The following PPIP5K2 variants were observed in gnomAD, a reference collection of about 807,000 sequenced individuals.
PPIP5K2 encodes inositol hexakisphosphate and diphosphoinositol-pentakisphosphate kinase 2.
PPIP5K2 carries 105 observed loss-of-function variants against 154.6 expected under a neutral mutation model. The observed-to-expected ratio is 0.68, with a 90% CI of 0.58 to 0.80. The LOEUF is 0.80. PPIP5K2 is among the 30% of genes least tolerant of loss of function. The probability of loss-of-function intolerance (pLI) is 0.00; values close to 1 mark genes in which losing one functional copy is unlikely to be tolerated. For synonymous variants in PPIP5K2, 480 were observed against 490.3 expected (o/e 0.98, Z 0.28); for missense variants, 992 against 1,504.6 (o/e 0.66, Z 5.64).
chr5:103,140,808 G>A (rs1554206311), intron 5 of PPIP5K2, among the ~76,000 whole-genome samples: 1 of 142,910 alleles, frequency 7.0e-6, no homozygotes, highest in Non-Finnish European at 1.5e-5. Context: ...CAGCACTCCC[G>A]CCTGGGCGAC....
At position 103,203,632 on chromosome 5, in the gene PPIP5K2, A is replaced by G. The variant is rs1803306626; in HGVS notation, c.*1998A>G. ...ATTTTTTGGTTTTAAATACTAGAAG[A>G]TATTTCTTCTTAGAGCCCAGTCCTC... On this transcript the variant is annotated 3_prime_UTR_variant, in exon 31 of 31. Coordinates refer to ENST00000358359, the MANE Select transcript of PPIP5K2 (RefSeq NM_001276277.3). The G allele has an allele frequency of 6.6e-6, 1 of 152,160 alleles. No homozygotes were observed. Among genetic ancestry groups the G allele is most frequent in the African/African-American group, 2.4e-5 (1 of 41,418 alleles). The allele number at this position is 152,160 out of a possible 1,614,324, so 9.4% of individuals were successfully genotyped here.
chr5:103,167,935 G>A (rs188283358), intron 18 of PPIP5K2, 137 bp from the exon 19 acceptor site: 25 of 537,608 alleles, frequency 4.7e-5, no homozygotes, highest in Admixed American at 4.3e-4. Flanking sequence ...TGCTAGTAGC[G>A]TATGCCTAAA....
In PPIP5K2 at chr5:103,205,158, T is replaced by G. The variant is rs1212859600; in HGVS notation, c.*3524T>G. The G allele has an allele frequency of 6.6e-6, 1 of 152,030 alleles. No homozygotes were observed. Among genetic ancestry groups the G allele is most frequent in the Non-Finnish European group, 1.5e-5 (1 of 68,214 alleles). 9.4% of individuals were successfully genotyped at this position (152,030 alleles called of 1,614,324 possible). On this transcript the variant is annotated 3_prime_UTR_variant, in exon 31 of 31. Transcript: ENST00000358359. ...TTGCTGAGAATGATGGTTTCCAGCT[T>G]CATCCATGTCCTTGTCATCCTTTTT... is the stretch of plus-strand genomic sequence containing the variant.
chr5:103,189,130 G>C, intron 28 of PPIP5K2: 1 of 1,449,312 alleles, frequency 6.9e-7, no homozygotes, highest in Non-Finnish European at 9.3e-7. Flanking sequence ...AGTATCTTCT[G>C]ACAGTGCTTT....
chr5:103,124,894 G>A (rs1031819009), intron 1 of PPIP5K2, among the ~76,000 whole-genome samples: 1 of 152,202 alleles, frequency 6.6e-6, no homozygotes, highest in Admixed American at 6.5e-5. Flanking sequence ...CCTAATAAAT[G>A]TTCCTTCCCT....
chr5:103,142,375 C>T (rs1354419009), intron 5 of PPIP5K2, among the ~76,000 whole-genome samples: 1 of 152,188 alleles, frequency 6.6e-6, no homozygotes, highest in Non-Finnish European at 1.5e-5. Flanking sequence ...TCCAGCTGGC[C>T]CGCAAGCACC....
Position 103,177,719 on chromosome 5 carries a change from A to G in PPIP5K2, c.2582A>G (p.Asn861Ser), listed in dbSNP as rs781814297. The change falls in exon 22 of 31, where the codon AAT becomes AGT. Residue 861 changes from asparagine to serine, a missense_variant. Transcript: ENST00000358359. Reference protein sequence around the residue: ...KRAMDYLNVVNELNYMTQIVI... With the variant: ...KRAMDYLNVVSELNYMTQIVI... Reference sequence around the variant, plus strand: ...GCTATGGATTATTTAAACGTTGTCAATGAGCTCAACTACATGACTCAGATT... The same window carrying G: ...GCTATGGATTATTTAAACGTTGTCAGTGAGCTCAACTACATGACTCAGATT... 4.3e-6 allele frequency: 7 copies of G among 1,612,170 alleles called. No individual in the cohort carries two copies. Among genetic ancestry groups the G allele is most frequent in the African/African-American group, 1.3e-5 (1 of 74,842 alleles).
intron 14 of PPIP5K2, among the ~76,000 whole-genome samples, chr5:103,156,253 G>A (rs116189470): frequency 1.4e-3 from 216 of 152,136 alleles, no homozygotes; most frequent in African/African-American, 4.8e-3. Flanking sequence ...GGATTGTTTC[G>A]GAAAACTTAT....
chr5:103,133,227 T>C lies in PPIP5K2; in HGVS notation c.115-226T>C, dbSNP rs144350119. Reference sequence around the variant, plus strand: ...TTGAAAATAGCAACCATATTTATTCTGAAAGTGTTTTTGTTTTTAAATTTG... The same window carrying C: ...TTGAAAATAGCAACCATATTTATTCCGAAAGTGTTTTTGTTTTTAAATTTG... On this transcript the variant is annotated intron_variant, in intron 2 of 30. Coordinates refer to ENST00000358359, the MANE Select transcript of PPIP5K2 (RefSeq NM_001276277.3). Among the ~76,000 whole-genome samples, 62 of 152,364 alleles carry C rather than the reference T, an allele frequency of 4.1e-4. No individual in the cohort carries two copies. The East Asian group carries it at 0.011, about 28-fold the overall frequency.
intron 28 of PPIP5K2, among the ~76,000 whole-genome samples, chr5:103,187,819 A>C (rs1247484111): frequency 6.6e-6 from 1 of 152,180 alleles, no homozygotes; most frequent in African/African-American, 2.4e-5. Context: ...TAGCCAAATA[A>C]GATGTGTCTT....
At position 103,146,485 on chromosome 5, in the gene PPIP5K2, T is replaced by C; in HGVS notation, c.488-42T>C. 1.9e-6 allele frequency: 3 copies of C among 1,581,526 alleles called. No homozygotes were observed. The Middle Eastern group carries it at 6.9e-4, about 365-fold the overall frequency. ...ATAATGTGGTGTCCTGATAATATAA[T>C]AAGAATATGTGATATTTCTTGCAAT... On this transcript the variant is annotated intron_variant, in intron 5 of 30. Coordinates refer to ENST00000358359, the MANE Select transcript of PPIP5K2 (RefSeq NM_001276277.3).
chr5:103,190,784 T>C, intron 28 of PPIP5K2, 58 bp from the exon 29 acceptor site: 4 of 1,463,684 alleles, frequency 2.7e-6, no homozygotes, highest in Non-Finnish European at 3.7e-6. Flanking sequence ...CCTTTCTAAT[T>C]ACTGATTTTT....
chr5:103,129,507 G>A lies in PPIP5K2; in HGVS notation c.-83G>A. On this transcript the variant is annotated 5_prime_UTR_variant, in exon 2 of 31. Transcript: ENST00000358359. ...ACCTGTGCGTCAGCTAATATATGGA[G>A]AATGCTTTCTTCTGATACTATTTAC... 1 of 1,146,832 alleles carries A rather than the reference G, an allele frequency of 8.7e-7. No homozygotes were observed. The highest frequency in any genetic ancestry group is 1.2e-6 in the Non-Finnish European group (1 of 842,606). 71.0% of individuals were successfully genotyped at this position (1,146,832 alleles called of 1,614,324 possible).
intron 24 of PPIP5K2, among the ~76,000 whole-genome samples, 174 bp downstream of exon 24, chr5:103,180,362 A>G (rs1276036830): frequency 6.6e-6 from 1 of 152,172 alleles, no homozygotes; most frequent in Non-Finnish European, 1.5e-5. Flanking sequence ...TCAAAAATAG[A>G]TTAGCTTTAG....
chr5:103,141,645 C>G (rs1792685593), intron 5 of PPIP5K2, among the ~76,000 whole-genome samples: 1 of 152,188 alleles, frequency 6.6e-6, no homozygotes, highest in Non-Finnish European at 1.5e-5. Flanking sequence ...AGTTTCGACA[C>G]ACAGGTTCTC....
rs17155082 is a variant in PPIP5K2, at chr5:103,124,976, C to G, written c.-284-4330C>G. On this transcript the variant is annotated intron_variant, in intron 1 of 30. Coordinates refer to ENST00000358359, the MANE Select transcript of PPIP5K2 (RefSeq NM_001276277.3). The stretch of plus-strand genomic sequence containing the variant: ...AACAAGGTTATATGTGACCAAAGGT[C>G]AAAACGAATGATTCGGAGAAGGTCT... 9.7e-3 allele frequency among the ~76,000 whole-genome samples: 1,483 copies of G among 152,224 alleles called. 9 individuals are homozygous for G. Among genetic ancestry groups the G allele is most frequent in the African/African-American group, 0.013 (526 of 41,530 alleles).
chr5:103,138,500 T>C (rs1349354477), intron 5 of PPIP5K2, 31 bp downstream of exon 5: 8 of 1,428,792 alleles, frequency 5.6e-6, no homozygotes, highest in Non-Finnish European at 7.8e-6. Flanking sequence ...GTAAGCTTCC[T>C]TTGCCACTTG....
chr5:103,167,997 A>G, intron 18 of PPIP5K2, 75 bp from the exon 19 acceptor site: 1 of 962,964 alleles, frequency 1.0e-6, no homozygotes, highest in South Asian at 1.7e-5. Flanking sequence ...AAAAGTTTCT[A>G]ATTATTAACA....
At chr5:103,132,695 G>T (rs1790832190) in intron 2 of PPIP5K2, among the ~76,000 whole-genome samples, 1 of 152,130 alleles carries the variant, frequency 6.6e-6, no homozygotes, top group African/African-American at 2.4e-5. Context: ...ATTGAAATGA[G>T]AACCTCAACA....
Sources: gnomAD v4.1 joint callset for allele counts (sites outside exome capture counted in the v4.1 genomes callset) on GRCh38, gnomAD v4.1.1 for gene constraint, MANE v1.5 for transcripts, NCBI Gene and HGNC (gene_info 2026-07-23, HGNC 2026-07-21) for gene names.